Variants in KCNAB1 observed in about 807,000 individuals in gnomAD.
KCNAB1 encodes potassium voltage-gated channel subfamily A regulatory beta subunit 1.
In KCNAB1, 35 loss-of-function variants were observed where a neutral mutation model predicts 64.6. The observed-to-expected ratio is 0.54, with a 90% CI of 0.41 to 0.72. The LOEUF is 0.72. Ranked by LOEUF, KCNAB1 falls within the 30% of genes least tolerant of loss-of-function variation. The pLI is 0.00. For synonymous variants in KCNAB1, 177 were observed against 183.8 expected (o/e 0.96, Z 0.30); for missense variants, 401 against 512.9 (o/e 0.78, Z 2.11).
intron 1 of KCNAB1, among the ~76,000 whole-genome samples, chr3:156,280,715 A>C (rs951093246): frequency 2.6e-4 from 40 of 151,022 alleles, no homozygotes; most frequent in Non-Finnish European, 4.6e-4. Context: ...TAGGTATTTT[A>C]TTCTCTTTGA....
chr3:156,363,110 A>G (rs1364365405), intron 1 of KCNAB1, among the ~76,000 whole-genome samples: 2 of 152,216 alleles, frequency 1.3e-5, no homozygotes, highest in Non-Finnish European at 1.5e-5. Context: ...TAAAGAAACC[A>G]TTACATTGCC....
chr3:156,291,219 C>T (rs934437849), intron 1 of KCNAB1: 2 of 986,218 alleles, frequency 2.0e-6, no homozygotes, highest in Non-Finnish European at 2.4e-6. Flanking sequence ...GCTGCAAACC[C>T]GTGTCGGTGC....
At position 156,375,206 on chromosome 3, in the gene KCNAB1, T is replaced by C. The variant is rs1251520712; in HGVS notation, c.276-46410T>C. 2.2e-5 allele frequency among the ~76,000 whole-genome samples: 3 copies of C among 135,736 alleles called. 1 individual carries two copies. The highest frequency in any genetic ancestry group is 9.9e-5 in the African/African-American group (3 of 30,354). The allele number at this position is 135,736 out of a possible 152,430, so 89.0% of individuals were successfully genotyped here. ...AAACAAGAAAATTGACCCTAGTTAA[T>C]AGAGCTGGTGAGTGACAGAGCAGAA... On this transcript the variant is annotated intron_variant, in intron 1 of 13. Transcript: ENST00000490337.
chr3:156,363,198 T>C (rs145467229), intron 1 of KCNAB1, among the ~76,000 whole-genome samples: 2,024 of 152,342 alleles, frequency 0.013, 17 homozygotes, highest in South Asian at 0.031. Context: ...ATACATATAA[T>C]TCTTTGCAAA....
At chr3:156,194,794 G>A (rs529603559) in intron 1 of KCNAB1, among the ~76,000 whole-genome samples, 1 of 152,190 alleles carries the variant, frequency 6.6e-6, no homozygotes, top group Non-Finnish European at 1.5e-5. Flanking sequence ...TATACTTTAA[G>A]TTCTGGGATA....
intron 1 of KCNAB1, among the ~76,000 whole-genome samples, chr3:156,398,985 C>CT (rs1031855270): frequency 2.0e-4 from 30 of 152,122 alleles, no homozygotes; most frequent in Admixed American, 1.9e-3. Flanking sequence ...TCTCTCATTG[C>CT]TTTTTTTTCT....
intron 1 of KCNAB1, among the ~76,000 whole-genome samples, chr3:156,155,110 T>C (rs1190040043): frequency 1.3e-5 from 2 of 152,242 alleles, no homozygotes; most frequent in Admixed American, 6.5e-5. Context: ...ATATGATACA[T>C]TGGTGACACT....
At chr3:156,439,062 A>G (rs1716802674) in intron 2 of KCNAB1, among the ~76,000 whole-genome samples, 1 of 152,128 alleles carries the variant, frequency 6.6e-6, no homozygotes, top group Non-Finnish European at 1.5e-5. Context: ...CTATGTCATC[A>G]GACTACCTGG....
At chr3:156,323,391 A>T (rs1280918516) in intron 1 of KCNAB1, among the ~76,000 whole-genome samples, 1 of 152,172 alleles carries the variant, frequency 6.6e-6, no homozygotes, top group East Asian at 1.9e-4. Context: ...TATCCAGTGT[A>T]TACAGATTTG....
At chr3:156,294,152 C>G (rs564458640) in intron 1 of KCNAB1, among the ~76,000 whole-genome samples, 24 of 152,220 alleles carry the variant, frequency 1.6e-4, no homozygotes, top group Non-Finnish European at 2.4e-4. Flanking sequence ...CACAGCTCAA[C>G]TCATGTTGAG....
intron 1 of KCNAB1, among the ~76,000 whole-genome samples, chr3:156,389,336 A>G (rs187714810): frequency 1.3e-5 from 2 of 152,322 alleles, no homozygotes; most frequent in Non-Finnish European, 2.9e-5. Flanking sequence ...TCGCCTTGCC[A>G]TGACCTTGGC....
intron 3 of KCNAB1, among the ~76,000 whole-genome samples, chr3:156,456,561 G>T (rs1712444045): frequency 6.6e-6 from 1 of 152,198 alleles, no homozygotes; most frequent in African/African-American, 2.4e-5. Flanking sequence ...ATTTTTCTTG[G>T]TAGGCTAATT....
chr3:156,281,477 C>T (rs1225316126), intron 1 of KCNAB1, among the ~76,000 whole-genome samples: 1 of 150,960 alleles, frequency 6.6e-6, no homozygotes, highest in African/African-American at 2.4e-5. Context: ...ATGCTGGCCT[C>T]ATAAAATGAG....
intron 2 of KCNAB1, among the ~76,000 whole-genome samples, chr3:156,439,224 A>ATTTTTTTTTTTTTTTTT: frequency 8.7e-6 from 1 of 115,120 alleles, no homozygotes; most frequent in Non-Finnish European, 1.8e-5. Flanking sequence ...CATCATTGTG[A>ATTTTTTTTTTTTTTTTT]TTTTTTTTTT....
At chr3:156,231,399 C>T (rs577506271) in intron 1 of KCNAB1, among the ~76,000 whole-genome samples, 2 of 152,146 alleles carry the variant, frequency 1.3e-5, no homozygotes, top group South Asian at 2.1e-4. Context: ...AATATATTTC[C>T]TTGCCATGCC....
rs1484647688 is a variant in KCNAB1 at position 156,211,953 on chromosome 3, AG to A, written c.275+91070del. ...CTCAAGTCAAAACCGGAAGGGAAAC[AG>A]GGCCAGAAGGGGTGATGCTGGCTAA... is the stretch of plus-strand genomic sequence containing the variant. On this transcript the variant is annotated intron_variant, in intron 1 of 13. Coordinates refer to ENST00000490337, the MANE Select transcript of KCNAB1 (RefSeq NM_172160.3). Among the ~76,000 whole-genome samples the A allele has an allele frequency of 7.9e-5, 12 of 152,354 alleles. No homozygotes were observed. The East Asian group carries it at 2.1e-3, about 27-fold the overall frequency.
chr3:156,406,030 T>C (rs1156380681), intron 1 of KCNAB1, among the ~76,000 whole-genome samples: 1 of 152,194 alleles, frequency 6.6e-6, no homozygotes, highest in Non-Finnish European at 1.5e-5. Flanking sequence ...GGACAGTGTA[T>C]AGCACAGAGT....
chr3:156,336,996 G>A (rs1723757778), intron 1 of KCNAB1, among the ~76,000 whole-genome samples: 1 of 152,214 alleles, frequency 6.6e-6, no homozygotes, highest in Non-Finnish European at 1.5e-5. Context: ...TGAAGAATTG[G>A]TCGGCAAGTA....
chr3:156,489,799 G>A (rs1160566229), intron 8 of KCNAB1, among the ~76,000 whole-genome samples: 1 of 151,986 alleles, frequency 6.6e-6, no homozygotes, highest in Non-Finnish European at 1.5e-5. Flanking sequence ...TAGCAGAACT[G>A]AGGAAAGATT....
Sources: gnomAD v4.1 joint callset for allele counts (sites outside exome capture counted in the v4.1 genomes callset) on GRCh38, gnomAD v4.1.1 for gene constraint, MANE v1.5 for transcripts, NCBI Gene and HGNC (gene_info 2026-07-23, HGNC 2026-07-21) for gene names.